Variants in GABPB2 observed in about 807,000 individuals in gnomAD.
GABPB2 encodes GA binding protein transcription factor subunit beta 2.
A neutral mutation model predicts 39.1 loss-of-function variants in GABPB2; 23 were observed. The ratio of observed to expected loss-of-function variants is 0.59; its 90% CI spans 0.42 to 0.83. The LOEUF is 0.83. Among genes scored for constraint, GABPB2 ranks in the 40% least tolerant of loss-of-function variants. The pLI is 0.00. For synonymous variants in GABPB2, 184 were observed against 199.3 expected, an observed-to-expected ratio of 0.92 and a Z score of 0.65; for missense variants, 467 against 541.1, an observed-to-expected ratio of 0.86 and a Z score of 1.36.
chr1:151,124,752 CTA>C lies in GABPB2; in HGVS notation c.*6500_*6501del. On this transcript the variant is annotated 3_prime_UTR_variant, in exon 9 of 9. Coordinates refer to ENST00000368918, the MANE Select transcript of GABPB2 (RefSeq NM_144618.3). ...TATCTGTCTCTATTTTATGTGGTGA[CTA>C]TATCTCAGAAGTACTACCCCTTCTG... The C allele has an allele frequency of 6.6e-6, 1 of 152,210 alleles. No homozygotes were observed. Among genetic ancestry groups the C allele is most frequent in the East Asian group, 1.9e-4 (1 of 5,180 alleles). The allele number at this position is 152,210 out of a possible 1,614,324, so 9.4% of individuals were successfully genotyped here.
chr1:151,100,468 A>G (rs1416618955), intron 5 of GABPB2, among the ~76,000 whole-genome samples: 1 of 147,870 alleles, frequency 6.8e-6, no homozygotes, highest in Non-Finnish European at 1.5e-5. Flanking sequence ...TTTAGTAGAG[A>G]TGGGGTTTCA....
chr1:151,100,611 C>T (rs1172269240), intron 5 of GABPB2, among the ~76,000 whole-genome samples: 1 of 48,874 alleles, frequency 2.0e-5, no homozygotes, highest in Non-Finnish European at 3.8e-5. Flanking sequence ...TTTTTTGAGA[C>T]AGAGTTTAAC....
chr1:151,109,375 T>TTTTTTA (rs1680223954), intron 7 of GABPB2, among the ~76,000 whole-genome samples: 1 of 145,670 alleles, frequency 6.9e-6, no homozygotes, highest in Non-Finnish European at 1.5e-5. Flanking sequence ...TTTTTTTTTT[T>TTTTTTA]GAGTCAGAAT....
chr1:151,086,149 A>G (rs183761534), intron 1 of GABPB2, among the ~76,000 whole-genome samples: 272 of 152,132 alleles, frequency 1.8e-3, no homozygotes, highest in Non-Finnish European at 3.0e-3. Flanking sequence ...GGAAGCTGAG[A>G]TGGGAGGATC....
At chr1:151,080,118 G>A (rs1266512675) in intron 1 of GABPB2, among the ~76,000 whole-genome samples, 1 of 150,756 alleles carries the variant, frequency 6.6e-6, no homozygotes, top group Non-Finnish European at 1.5e-5. Context: ...GGGAGGCTGA[G>A]GTAGGAGAAT....
chr1:151,113,328 G>T (rs1037414563), intron 7 of GABPB2, among the ~76,000 whole-genome samples: 1 of 151,968 alleles, frequency 6.6e-6, no homozygotes, highest in Non-Finnish European at 1.5e-5. Context: ...AATTAGCCAG[G>T]CCTGGTGGCG....
In GABPB2 at chr1:151,120,050, A is replaced by T. The variant is rs1330061429; in HGVS notation, c.*1794A>T. The T allele has an allele frequency of 6.6e-6, 1 of 152,236 alleles. No individual in the cohort carries two copies. The allele number at this position is 152,236 out of a possible 1,614,324, so 9.4% of individuals were successfully genotyped here. On this transcript the variant is annotated 3_prime_UTR_variant, in exon 9 of 9. Coordinates refer to ENST00000368918, the MANE Select transcript of GABPB2 (RefSeq NM_144618.3). ...ACATGGAGAAACCCTGTCTCTACTA[A>T]AAATACAAAATTAGGGCCAGACCCG...
At chr1:151,111,231 C>T (rs915517625) in intron 7 of GABPB2, among the ~76,000 whole-genome samples, 2 of 151,676 alleles carry the variant, frequency 1.3e-5, no homozygotes, top group South Asian at 4.2e-4. Context: ...TGCTACAGCT[C>T]CCGAAATTTT....
chr1:151,089,760 G>A (rs922036302), intron 2 of GABPB2, among the ~76,000 whole-genome samples: 5 of 152,000 alleles, frequency 3.3e-5, no homozygotes, highest in African/African-American at 1.2e-4. Flanking sequence ...AAAGTGCTGG[G>A]ATTGCAGGCA....
chr1:151,090,366 T>C (rs371214432), intron 2 of GABPB2, 40 bp from the exon 3 acceptor site: 2 of 1,588,508 alleles, frequency 1.3e-6, no homozygotes, highest in African/African-American at 1.3e-5. Flanking sequence ...TCTAGGACTC[T>C]GCACACAGTG....
intron 1 of GABPB2, among the ~76,000 whole-genome samples, chr1:151,080,631 T>G (rs1677599598): frequency 6.6e-6 from 1 of 150,930 alleles, no homozygotes; most frequent in African/African-American, 2.4e-5. Context: ...GCAGATCACT[T>G]GAGGTCAGGA....
At position 151,085,927 on chromosome 1, in the gene GABPB2, C is replaced by T. The variant is rs1389080957; in HGVS notation, c.1-2263C>T. Among the ~76,000 whole-genome samples, 3 of 151,910 alleles carry T rather than the reference C, an allele frequency of 2.0e-5. No homozygotes were observed. In the East Asian group the frequency reaches 5.8e-4, roughly 29 times the overall value. Reference sequence around the variant, plus strand: ...GACAGATCATGCAGAATAGTGGGTACAATATAATTGTCATTTGGGCAAAAA... The same window carrying T: ...GACAGATCATGCAGAATAGTGGGTATAATATAATTGTCATTTGGGCAAAAA... On this transcript the variant is annotated intron_variant, in intron 1 of 8. Coordinates refer to ENST00000368918, the MANE Select transcript of GABPB2 (RefSeq NM_144618.3).
At chr1:151,096,843 T>A (rs1427734609) in intron 4 of GABPB2, among the ~76,000 whole-genome samples, 1 of 152,228 alleles carries the variant, frequency 6.6e-6, no homozygotes, top group African/African-American at 2.4e-5. Flanking sequence ...CACTGACTTG[T>A]AGATAATTAA....
chr1:151,090,709 G>A (rs2101489852), intron 3 of GABPB2, 136 bp downstream of exon 3: 1 of 856,292 alleles, frequency 1.2e-6, no homozygotes, highest in East Asian at 2.6e-5. Flanking sequence ...TGCATCTCCA[G>A]GAGTCTTCAT....
chr1:151,089,860 G>A (rs1678518246), intron 2 of GABPB2, among the ~76,000 whole-genome samples: 1 of 151,716 alleles, frequency 6.6e-6, no homozygotes, highest in Non-Finnish European at 1.5e-5. Flanking sequence ...AATCTTAACT[G>A]ATAAATCCAC....
At chr1:151,116,182 G>A (rs1012564694) in intron 7 of GABPB2, among the ~76,000 whole-genome samples, 5 of 151,756 alleles carry the variant, frequency 3.3e-5, no homozygotes, top group South Asian at 4.2e-4. Context: ...ACGTGAGGTC[G>A]GGAGTTTGAG....
intron 7 of GABPB2, among the ~76,000 whole-genome samples, chr1:151,112,468 A>T (rs1420912485): frequency 6.6e-6 from 1 of 151,322 alleles, no homozygotes; most frequent in Non-Finnish European, 1.5e-5. Context: ...CAGCCTCCTG[A>T]GTAGCTAGAA....
chr1:151,106,574 G>A (rs1391503395), intron 6 of GABPB2, among the ~76,000 whole-genome samples: 3 of 152,060 alleles, frequency 2.0e-5, no homozygotes, highest in Admixed American at 2.0e-4. Flanking sequence ...CTGGCCTCAA[G>A]TGATTCGCCC....
intron 7 of GABPB2, among the ~76,000 whole-genome samples, chr1:151,109,364 A>ATAAATTTT (rs779537595): frequency 8.9e-6 from 1 of 112,394 alleles, no homozygotes; most frequent in Non-Finnish European, 1.7e-5. Flanking sequence ...ATATATATAT[A>ATAAATTTT]TTTTTTTTTT....
Sources: allele counts gnomAD v4.1 joint callset (sites outside exome capture counted in the v4.1 genomes callset), GRCh38; gene constraint gnomAD v4.1.1; transcripts MANE v1.5; gene names NCBI Gene and HGNC (gene_info 2026-07-23, HGNC 2026-07-21).